The following ARHGAP22 variants were observed in gnomAD, a reference collection of about 807,000 sequenced individuals.
ARHGAP22 encodes Rho GTPase activating protein 22.
Under a neutral mutation model 59.1 loss-of-function variants are expected in ARHGAP22, and 48 were observed. That is an observed-to-expected ratio of 0.81 (90% CI 0.64 to 1.03). The LOEUF is 1.03. ARHGAP22 is among the 50% of genes least tolerant of loss of function. The pLI is 0.00. For synonymous variants in ARHGAP22, 445 were observed against 416.4 expected, an observed-to-expected ratio of 1.07 and a Z score of -0.84; for missense variants, 1,015 against 958.7, an observed-to-expected ratio of 1.06 and a Z score of -0.78.
intron 3 of ARHGAP22, among the ~76,000 whole-genome samples, chr10:48,486,921 G>A (rs1466702919): frequency 6.6e-6 from 1 of 152,150 alleles, no homozygotes; most frequent in African/African-American, 2.4e-5. Flanking sequence ...TGCTCTACTT[G>A]CATTGTTTCT....
At chr10:48,440,433 A>T in the ARHGAP22 span, among the ~76,000 whole-genome samples, 2 of 152,232 alleles carry the variant, frequency 1.3e-5, no homozygotes, top group Non-Finnish European at 2.9e-5. Context: ...GAAATGGTGT[A>T]TATGGAGGAA....
At position 48,450,780 on chromosome 10, in the gene ARHGAP22, T is replaced by A; in HGVS notation, c.1349A>T (p.Glu450Val). 4.5e-6 allele frequency: 7 copies of A among 1,567,508 alleles called. No individual in the cohort carries two copies. Among genetic ancestry groups the A allele is most frequent in the Non-Finnish European group, 5.2e-6 (6 of 1,156,974 alleles). The change falls in exon 9 of 10, where the codon GAG becomes GTG. Residue 450 changes from glutamate to valine, a missense_variant. By Grantham distance (121) the Glu-to-Val change is moderately radical. Coordinates refer to ENST00000249601, the MANE Select transcript of ARHGAP22 (RefSeq NM_021226.4). Reference protein sequence around the residue: ...GSPKGGGSSLEVPIISSGGNW... With the variant: ...GSPKGGGSSLVVPIISSGGNW... ...CCCGCCGGAGGAGATGATGGGCACC[T>A]CCAGGGATGAGCCGCCCCCCTTCGG...
At chr10:48,615,070 C>A (rs1039045444) in intron 1 of ARHGAP22, among the ~76,000 whole-genome samples, 1 of 152,198 alleles carries the variant, frequency 6.6e-6, no homozygotes, top group Non-Finnish European at 1.5e-5. Context: ...AAACAAGATG[C>A]TTTGAAGAGT....
chr10:48,504,154 C>T (rs1302946395), intron 3 of ARHGAP22, among the ~76,000 whole-genome samples: 1 of 152,142 alleles, frequency 6.6e-6, no homozygotes, highest in Non-Finnish European at 1.5e-5. Flanking sequence ...AAATGTGTGT[C>T]AGGACTGCCA....
chr10:48,440,529 T>C, the ARHGAP22 span, among the ~76,000 whole-genome samples: 3 of 151,876 alleles, frequency 2.0e-5, no homozygotes, highest in Non-Finnish European at 4.4e-5. Flanking sequence ...ATAAAGAAGG[T>C]TTGGAGAAGA....
intron 3 of ARHGAP22, among the ~76,000 whole-genome samples, chr10:48,505,765 C>T (rs555809968): frequency 1.8e-4 from 28 of 152,286 alleles, no homozygotes; most frequent in African/African-American, 6.3e-4. Context: ...AGGAGGGCTG[C>T]CTGGTGGAGG....
At chr10:48,617,891 GA>G (rs1401518769) in intron 1 of ARHGAP22, among the ~76,000 whole-genome samples, 1 of 151,758 alleles carries the variant, frequency 6.6e-6, no homozygotes, top group African/African-American at 2.4e-5. Flanking sequence ...TCAACAAAAT[GA>G]AAAGTTGGTT....
At chr10:48,542,686 G>A (rs191352939) in intron 3 of ARHGAP22, among the ~76,000 whole-genome samples, 219 of 152,322 alleles carry the variant, frequency 1.4e-3, no homozygotes, top group African/African-American at 4.8e-3. Flanking sequence ...AGTGTTTTGG[G>A]GTGGAGTATG....
intron 1 of ARHGAP22, among the ~76,000 whole-genome samples, chr10:48,616,374 A>G (rs2061081149): frequency 6.6e-6 from 1 of 152,186 alleles, no homozygotes; most frequent in African/African-American, 2.4e-5. Flanking sequence ...AGATATGCCT[A>G]CATATGCATA....
At chr10:48,455,224 T>A in intron 5 of ARHGAP22, 90 bp from the exon 6 acceptor site, 1 of 1,420,754 alleles carries the variant, frequency 7.0e-7, no homozygotes, top group Non-Finnish European at 9.3e-7. Context: ...AGGGGCAGCC[T>A]CTGGTCTCAG....
upstream of ARHGAP22, among the ~76,000 whole-genome samples, chr10:48,606,986 C>T (rs995171886): frequency 2.6e-5 from 4 of 152,182 alleles, no homozygotes; most frequent in Admixed American, 1.3e-4. Context: ...AGGCCAGGTA[C>T]AAGCCCTGGT....
intron 1 of ARHGAP22, among the ~76,000 whole-genome samples, chr10:48,584,956 T>G (rs2059338570): frequency 6.8e-6 from 1 of 147,320 alleles, no homozygotes; most frequent in Non-Finnish European, 1.5e-5. Flanking sequence ...ATTGCGCCAC[T>G]GCACTCCAGC....
downstream of ARHGAP22, chr10:48,443,945 C>CTT (rs373605678): frequency 6.6e-6 from 1 of 152,126 alleles, no homozygotes. Context: ...TAAGACAACT[C>CTT]TTTGTTTTTT....
intron 2 of ARHGAP22, among the ~76,000 whole-genome samples, chr10:48,567,362 G>A (rs543121122): frequency 6.6e-6 from 1 of 152,268 alleles, no homozygotes; most frequent in African/African-American, 2.4e-5. Context: ...GCCATGCCAC[G>A]TTGGGAAGAG....
chr10:48,454,966 C>G (rs778875323), intron 6 of ARHGAP22, 36 bp downstream of exon 6: 1 of 1,539,080 alleles, frequency 6.5e-7, no homozygotes, highest in South Asian at 1.2e-5. Context: ...ACCCAGCCAG[C>G]CCATCTCCCA....
chr10:48,476,129 C>T (rs1473149658), intron 4 of ARHGAP22, among the ~76,000 whole-genome samples: 2 of 152,246 alleles, frequency 1.3e-5, no homozygotes, highest in East Asian at 3.8e-4. Context: ...CACGTGAGAA[C>T]CATGAGGCCA....
intron 3 of ARHGAP22, among the ~76,000 whole-genome samples, chr10:48,499,905 G>T (rs1186091086): frequency 6.6e-6 from 1 of 152,208 alleles, no homozygotes; most frequent in Non-Finnish European, 1.5e-5. Context: ...CTCTAATTTG[G>T]TCTATTAATT....
intron 2 of ARHGAP22, among the ~76,000 whole-genome samples, chr10:48,555,841 C>T (rs1032875194): frequency 1.3e-5 from 2 of 152,162 alleles, no homozygotes; most frequent in Non-Finnish European, 2.9e-5. Flanking sequence ...CCACTGGGAG[C>T]GCCTGATCCA....
intron 3 of ARHGAP22, among the ~76,000 whole-genome samples, chr10:48,536,077 G>A (rs2055324519): frequency 1.3e-5 from 2 of 152,174 alleles, no homozygotes; most frequent in Admixed American, 1.3e-4. Flanking sequence ...ATGTTGGGGT[G>A]GGGAAGGTCC....
Sources: allele counts gnomAD v4.1 joint callset (sites outside exome capture counted in the v4.1 genomes callset), GRCh38; gene constraint gnomAD v4.1.1; transcripts MANE v1.5; gene names NCBI Gene and HGNC (gene_info 2026-07-23, HGNC 2026-07-21).